The following CTNNA2 variants were observed in gnomAD, a reference collection of about 807,000 sequenced individuals.
CTNNA2 encodes the protein catenin alpha-2.
CTNNA2 carries 42 observed loss-of-function variants against 101.0 expected under a neutral mutation model. That is an observed-to-expected ratio of 0.42 (90% CI 0.32 to 0.54). The LOEUF is 0.54. CTNNA2 is among the 20% of genes least tolerant of loss of function. The pLI, the probability that CTNNA2 is intolerant of heterozygous loss-of-function variation, is 0.14. For synonymous variants in CTNNA2, 450 were observed against 456.4 expected, an observed-to-expected ratio of 0.99 and a Z score of 0.18; for missense variants, 871 against 1,223.1, an observed-to-expected ratio of 0.71 and a Z score of 4.29.
Position 80,117,386 on chromosome 2 carries a change from G to T in CTNNA2, c.1056+207589G>T, listed in dbSNP as rs905686553. Among the ~76,000 whole-genome samples, 4 of 151,432 alleles carry T rather than the reference G, an allele frequency of 2.6e-5. No homozygotes were observed. The East Asian group carries it at 7.9e-4, about 30-fold the overall frequency. On this transcript the variant is annotated intron_variant, in intron 7 of 18. Transcript: ENST00000402739. ...TGACTCACCTACCTAGAGTTTCCCT[G>T]GCTTTTTTTGAGTTCTCATTTAGGT...
intron 2 of CTNNA2, among the ~76,000 whole-genome samples, chr2:79,298,704 A>G (rs922274673): frequency 6.6e-6 from 1 of 152,148 alleles, no homozygotes; most frequent in Non-Finnish European, 1.5e-5. Context: ...GATGTCCCCA[A>G]ATCTTATCCC....
At chr2:80,576,949 G>A (rs1054845557) in intron 13 of CTNNA2, among the ~76,000 whole-genome samples, 1 of 152,052 alleles carries the variant, frequency 6.6e-6, no homozygotes, top group Non-Finnish European at 1.5e-5. Context: ...AAGGTGCCCT[G>A]GAGCATTGCC....
chr2:79,971,230 G>A (rs566352569), intron 7 of CTNNA2, among the ~76,000 whole-genome samples: 3 of 152,166 alleles, frequency 2.0e-5, no homozygotes, highest in South Asian at 2.1e-4. Context: ...GACATAGTCA[G>A]CTATTTCCTC....
chr2:79,554,927 T>A (rs1674350600), intron 1 of CTNNA2, among the ~76,000 whole-genome samples: 1 of 152,148 alleles, frequency 6.6e-6, no homozygotes, highest in Non-Finnish European at 1.5e-5. Flanking sequence ...CTATTGATAG[T>A]TGGTATCAGG....
At chr2:79,879,072 A>G (rs949112220) in intron 6 of CTNNA2, among the ~76,000 whole-genome samples, 1 of 152,172 alleles carries the variant, frequency 6.6e-6, no homozygotes, top group Non-Finnish European at 1.5e-5. Flanking sequence ...TTTATTTAAT[A>G]GGAGATTATT....
intron 7 of CTNNA2, among the ~76,000 whole-genome samples, chr2:80,114,113 G>GT (rs1357174810): frequency 6.6e-6 from 1 of 152,108 alleles, no homozygotes; most frequent in Non-Finnish European, 1.5e-5. Context: ...AAATTCCGTC[G>GT]TCTAAATAAT....
At chr2:79,352,791 A>G (rs543106013) in intron 3 of CTNNA2, among the ~76,000 whole-genome samples, 2 of 152,324 alleles carry the variant, frequency 1.3e-5, no homozygotes, top group South Asian at 4.1e-4. Flanking sequence ...AGCTATAAAG[A>G]CATATCTGAG....
At chr2:79,719,442 C>T (rs551354670) in intron 2 of CTNNA2, among the ~76,000 whole-genome samples, 118 of 151,938 alleles carry the variant, frequency 7.8e-4, no homozygotes, top group South Asian at 1.9e-3. Flanking sequence ...AATGGGGTTG[C>T]TCTATTTTAC....
chr2:79,409,010 A>T (rs1168197535), intron 4 of CTNNA2, among the ~76,000 whole-genome samples: 2 of 151,896 alleles, frequency 1.3e-5, no homozygotes, highest in Non-Finnish European at 2.9e-5. Flanking sequence ...GTGAGATGGT[A>T]TCTCATTGTG....
intron 7 of CTNNA2, among the ~76,000 whole-genome samples, chr2:80,032,136 A>G (rs976045942): frequency 1.3e-4 from 20 of 152,198 alleles, no homozygotes; most frequent in Non-Finnish European, 2.6e-4. Context: ...CAAGGCTAAG[A>G]TGGAGCAGAA....
intron 7 of CTNNA2, among the ~76,000 whole-genome samples, chr2:80,019,089 G>A (rs1203579050): frequency 6.6e-6 from 1 of 152,140 alleles, no homozygotes; most frequent in African/African-American, 2.4e-5. Flanking sequence ...TATTATAAGT[G>A]ACCTAGAAAT....
intron 4 of CTNNA2, among the ~76,000 whole-genome samples, chr2:79,463,683 A>T (rs1227644025): frequency 6.6e-6 from 1 of 152,232 alleles, no homozygotes; most frequent in Non-Finnish European, 1.5e-5. Context: ...TAATACTTCA[A>T]GAAAGTGATT....
In CTNNA2 at chr2:80,192,858, A is replaced by C. The variant is rs545314450; in HGVS notation, c.1057-200353A>C. Among the ~76,000 whole-genome samples, 8 of 152,202 alleles carry C rather than the reference A, an allele frequency of 5.3e-5. 1 individual carries two copies. The highest frequency in any genetic ancestry group is 3.2e-3 in the Middle Eastern group (1 of 316). On this transcript the variant is annotated intron_variant, in intron 7 of 18. Transcript: ENST00000402739. Reference sequence around the variant, plus strand: ...AAGAATCCAACTCTTTGTTACCCTCAGAAATATAATCTACTCAGTCATGCA... The same window carrying C: ...AAGAATCCAACTCTTTGTTACCCTCCGAAATATAATCTACTCAGTCATGCA...
In CTNNA2 at chr2:80,644,400, A is replaced by G. The variant is rs575642235; in HGVS notation, c.2575-3185A>G. On this transcript the variant is annotated intron_variant, in intron 18 of 18. Transcript: ENST00000402739. The stretch of plus-strand genomic sequence containing the variant: ...CGCCATCATTACAATAAGTCACAAA[A>G]GAGAATGCAACTATGTTAAATAAAT... 2.0e-5 allele frequency among the ~76,000 whole-genome samples: 3 copies of G among 152,280 alleles called. No homozygotes were observed. In the South Asian group the frequency reaches 6.2e-4, roughly 32 times the overall value.
At chr2:79,304,344 T>G (rs1282801256) in intron 2 of CTNNA2, among the ~76,000 whole-genome samples, 1 of 152,206 alleles carries the variant, frequency 6.6e-6, no homozygotes, top group African/African-American at 2.4e-5. Context: ...ACAAAGAAAC[T>G]GGTGTATCCA....
chr2:79,421,131 C>G (rs924407551), intron 4 of CTNNA2, among the ~76,000 whole-genome samples: 1 of 152,092 alleles, frequency 6.6e-6, no homozygotes, highest in Non-Finnish European at 1.5e-5. Context: ...CTCTTTTACC[C>G]TTGGGAATCT....
chr2:80,071,720 T>C (rs185463535), intron 7 of CTNNA2, among the ~76,000 whole-genome samples: 1 of 152,240 alleles, frequency 6.6e-6, no homozygotes, highest in Non-Finnish European at 1.5e-5. Flanking sequence ...CAGAGTCTTT[T>C]CTAAAATGCT....
chr2:80,569,328 A>C (rs1225679387), intron 12 of CTNNA2, among the ~76,000 whole-genome samples: 2 of 152,176 alleles, frequency 1.3e-5, no homozygotes, highest in African/African-American at 4.8e-5. Context: ...CTGCATACAG[A>C]AATATAGCTA....
chr2:79,482,865 T>C (rs1007365847), intron 4 of CTNNA2, among the ~76,000 whole-genome samples: 2 of 152,146 alleles, frequency 1.3e-5, no homozygotes, highest in African/African-American at 4.8e-5. Context: ...ATAGTTTTGG[T>C]GGAGGAGTGC....
Sources: allele counts gnomAD v4.1 joint callset (sites outside exome capture counted in the v4.1 genomes callset), GRCh38; gene constraint gnomAD v4.1.1; transcripts MANE v1.5; gene names NCBI Gene and HGNC (gene_info 2026-07-23, HGNC 2026-07-21).